NMS: variants seen among roughly 807,000 people sequenced by gnomAD.
The protein encoded by NMS is neuromedin-S.
Under a neutral mutation model 32.2 loss-of-function variants are expected in NMS, and 30 were observed. The ratio of observed to expected loss-of-function variants is 0.93; its 90% CI spans 0.70 to 1.26. The LOEUF is 1.26. Ranked by LOEUF, NMS falls within the 50% of genes most tolerant of loss-of-function variation. The pLI, the probability that NMS is intolerant of heterozygous loss-of-function variation, is 0.00. For missense variants in NMS, 190 were observed against 186.3 expected, an observed-to-expected ratio of 1.02 and a Z score of -0.12; for synonymous variants, 76 against 58.5, an observed-to-expected ratio of 1.30 and a Z score of -1.37.
intron 1 of NMS, 60 bp downstream of exon 1, chr2:100,470,624 C>T (rs1231342055): frequency 2.2e-6 from 3 of 1,341,676 alleles, no homozygotes; most frequent in Non-Finnish European, 3.2e-6. Flanking sequence ...TGAGACAGAC[C>T]TTGATCCCCC....
intron 3 of NMS, among the ~76,000 whole-genome samples, chr2:100,476,755 GGTGCGTGCACT>G (rs1677117435): frequency 6.6e-6 from 1 of 152,172 alleles, no homozygotes; most frequent in Non-Finnish European, 1.5e-5. Context: ...CCAGGGCTGA[GGTGCGTGCACT>G]GGCAAGGATT....
intron 5 of NMS, among the ~76,000 whole-genome samples, chr2:100,477,824 C>T (rs1677140775): frequency 6.6e-6 from 1 of 152,128 alleles, no homozygotes; most frequent in Non-Finnish European, 1.5e-5. Flanking sequence ...TCTTCCGTGG[C>T]TGTCGCGATG....
At chr2:100,481,204 G>A (rs369519242) in intron 8 of NMS, 37 bp downstream of exon 8, 24 of 1,597,472 alleles carry the variant, frequency 1.5e-5, no homozygotes, top group Middle Eastern at 3.3e-4. Flanking sequence ...TTCTAACCTC[G>A]ATTCACTGCA....
At chr2:100,472,956 C>G (rs1573233675) in intron 2 of NMS, 106 bp downstream of exon 2, 1 of 713,798 alleles carries the variant, frequency 1.4e-6, no homozygotes, top group East Asian at 2.7e-5. Context: ...TTTTTGGCTG[C>G]AGCAGAAACT....
intron 5 of NMS, among the ~76,000 whole-genome samples, chr2:100,477,996 C>A (rs551150666): frequency 7.2e-5 from 11 of 152,316 alleles, no homozygotes; most frequent in Non-Finnish European, 1.5e-4. Context: ...GAGTCTTGCT[C>A]TGTCGCCCAG....
rs1573238541 is a variant in NMS at position 100,481,146 on chromosome 2, A to G, written c.393A>G (p.Gly131=). 6.2e-7 allele frequency: 1 copy of G among 1,614,036 alleles called. No individual in the cohort carries two copies. The highest frequency in any genetic ancestry group is 8.5e-7 in the Non-Finnish European group (1 of 1,179,978). The change falls in exon 8 of 10, where the codon GGA becomes GGG. Residue 131 remains glycine, a synonymous_variant. Coordinates refer to ENST00000376865, the MANE Select transcript of NMS (RefSeq NM_001011717.1). The part of the protein sequence containing the change: ...FTKKDHTATW[G]RPFFLFRPRN... ...TGCAGGATCACACTGCGACCTGGGG[A>G]CGACCCTTTTTCCTTTTCAGGGTAT... is the stretch of plus-strand genomic sequence containing the variant.
intron 5 of NMS, among the ~76,000 whole-genome samples, chr2:100,478,631 A>T (rs1337205965): frequency 1.3e-5 from 2 of 151,800 alleles, no homozygotes; most frequent in East Asian, 3.9e-4. Flanking sequence ...CACCTGGCTA[A>T]TTTCTTATTT....
At chr2:100,470,653 G>A in intron 1 of NMS, 89 bp downstream of exon 1, 1 of 1,033,212 alleles carries the variant, frequency 9.7e-7, no homozygotes, top group South Asian at 1.3e-5. Flanking sequence ...TCTGGAGGGA[G>A]TCAAGCTTTA....
chr2:100,482,130 G>C, intron 8 of NMS, 147 bp from the exon 9 acceptor site: 1 of 756,310 alleles, frequency 1.3e-6, no homozygotes. Flanking sequence ...CAGGGCGAGG[G>C]CTTCCCAGGT....
chr2:100,471,260 T>C (rs893175293), intron 1 of NMS, among the ~76,000 whole-genome samples: 2 of 152,222 alleles, frequency 1.3e-5, no homozygotes, highest in Non-Finnish European at 2.9e-5. Flanking sequence ...TGGAAACACA[T>C]ACCATTTTAC....
At chr2:100,475,999 C>CAAAAAAAAAAAAAAAA (rs746460668) in intron 3 of NMS, among the ~76,000 whole-genome samples, 4 of 111,720 alleles carry the variant, frequency 3.6e-5, no homozygotes, top group African/African-American at 1.4e-4. Flanking sequence ...ACCCTATCTC[C>CAAAAAAAAAAAAAAAA]AAAAAAAAAA....
At chr2:100,472,748 T>G (rs1353931380) in intron 1 of NMS, 47 bp from the exon 2 acceptor site, 1 of 1,214,542 alleles carries the variant, frequency 8.2e-7, no homozygotes. Context: ...AAGTAAATGC[T>G]ATGACCTCTT....
intron 7 of NMS, among the ~76,000 whole-genome samples, chr2:100,480,800 C>T (rs911270884): frequency 6.6e-6 from 1 of 152,206 alleles, no homozygotes; most frequent in Non-Finnish European, 1.5e-5. Flanking sequence ...CTACTGAGGC[C>T]TTGCTTTCTC....
chr2:100,481,990 T>C (rs963324554), intron 8 of NMS, among the ~76,000 whole-genome samples: 1 of 152,160 alleles, frequency 6.6e-6, no homozygotes, highest in African/African-American at 2.4e-5. Context: ...CTGTGTTGGA[T>C]GGTTTGTGGA....
intron 3 of NMS, 48 bp downstream of exon 3, chr2:100,473,587 C>A: frequency 1.5e-6 from 1 of 666,666 alleles, no homozygotes; most frequent in Non-Finnish European, 2.1e-6. Context: ...TATATATATG[C>A]AACAAACACA....
chr2:100,478,627 G>T (rs1470734826), intron 5 of NMS, among the ~76,000 whole-genome samples: 2 of 151,970 alleles, frequency 1.3e-5, no homozygotes, highest in Non-Finnish European at 2.9e-5. Flanking sequence ...ACCACACCTG[G>T]CTAATTTCTT....
Position 100,480,501 on chromosome 2 carries a change from G to C in NMS, c.342G>C (p.Ser114=). The change falls in exon 7 of 10, where the codon TCG becomes TCC. Residue 114 remains serine, a synonymous_variant. Transcript: ENST00000376865. ...TGTGCCTCATTTCCTTGCAGGGCTC[G>C]GGGACTGCTGCAGTGGACTTCACCA... ...RRMKRILQRG[S]GTAAVDFTKK... The C allele has an allele frequency of 6.2e-7, 1 of 1,613,172 alleles. No homozygotes were observed. Among genetic ancestry groups the C allele is most frequent in the Non-Finnish European group, 8.5e-7 (1 of 1,179,854 alleles).
Position 100,480,444 on chromosome 2 carries a change from A to G in NMS, c.337-52A>G, listed in dbSNP as rs73967123. On this transcript the variant is annotated intron_variant, in intron 6 of 9. Transcript: ENST00000376865. ...GGCAGGATCACTGCAAGACAACTGC[A>G]AGGTCATGATGTGGTTCCTGTTGAA... The G allele has an allele frequency of 5.5e-5, 87 of 1,591,968 alleles. No individual in the cohort carries two copies. The African/African-American group carries it at 9.0e-4, about 17-fold the overall frequency.
At chr2:100,474,400 C>T (rs2104332438) in intron 3 of NMS, among the ~76,000 whole-genome samples, 1 of 152,272 alleles carries the variant, frequency 6.6e-6, no homozygotes, top group Middle Eastern at 3.4e-3. Flanking sequence ...TATCAGTATT[C>T]CCCAAATGCA....
Sources: allele counts gnomAD v4.1 joint callset (sites outside exome capture counted in the v4.1 genomes callset), GRCh38; gene constraint gnomAD v4.1.1; transcripts MANE v1.5; gene names NCBI Gene and HGNC (gene_info 2026-07-23, HGNC 2026-07-21).